Variants in STPG2 observed in about 807,000 individuals in gnomAD.
STPG2 encodes the protein sperm-tail PG-rich repeat-containing protein 2.
STPG2 carries 56 observed loss-of-function variants against 54.2 expected under a neutral mutation model. That is an observed-to-expected ratio of 1.03 (90% CI 0.83 to 1.29). The LOEUF is 1.29. Among genes scored for constraint, STPG2 ranks in the 50% most tolerant of loss-of-function variants. STPG2 has a pLI of 0.00. For synonymous variants in STPG2, 200 were observed against 181.8 expected, an observed-to-expected ratio of 1.10 and a Z score of -0.81; for missense variants, 596 against 544.9, an observed-to-expected ratio of 1.09 and a Z score of -0.93.
At chr4:97,969,252 T>C (rs1560615257) in intron 7 of STPG2, among the ~76,000 whole-genome samples, 1 of 152,192 alleles carries the variant, frequency 6.6e-6, no homozygotes, top group Non-Finnish European at 1.5e-5. Flanking sequence ...AAAGACAGTG[T>C]TTCTGTTTTA....
At chr4:98,012,263 T>C (rs903052621) in intron 5 of STPG2, among the ~76,000 whole-genome samples, 1 of 152,182 alleles carries the variant, frequency 6.6e-6, no homozygotes, top group Non-Finnish European at 1.5e-5. Context: ...TGGTTGTAGA[T>C]GTGTGGTGTG....
At chr4:97,763,469 AT>A (rs1286753230) in intron 9 of STPG2, among the ~76,000 whole-genome samples, 1 of 152,212 alleles carries the variant, frequency 6.6e-6, no homozygotes, top group Non-Finnish European at 1.5e-5. Flanking sequence ...TGTTTCTAGT[AT>A]TTAGTTTACT....
intron 5 of STPG2, among the ~76,000 whole-genome samples, chr4:98,001,445 CT>C (rs994107942): frequency 2.0e-5 from 3 of 151,488 alleles, no homozygotes; most frequent in African/African-American, 7.3e-5. Context: ...CACAGAGTTC[CT>C]TAATGTCAGT....
At chr4:98,058,963 A>G (rs2110096839) in intron 5 of STPG2, among the ~76,000 whole-genome samples, 1 of 141,124 alleles carries the variant, frequency 7.1e-6, no homozygotes, top group South Asian at 2.3e-4. Flanking sequence ...CAAATCAACC[A>G]CAAAGCTAGC....
intron 4 of STPG2, among the ~76,000 whole-genome samples, chr4:97,545,106 G>A (rs1731806462): frequency 1.3e-5 from 2 of 152,092 alleles, no homozygotes; most frequent in Admixed American, 1.3e-4. Flanking sequence ...CCCAAGTGAT[G>A]CTGATTATTC....
chr4:98,014,231 A>T (rs1735852686), intron 5 of STPG2, among the ~76,000 whole-genome samples: 1 of 152,104 alleles, frequency 6.6e-6, no homozygotes, highest in South Asian at 2.1e-4. Context: ...TTATTTACCC[A>T]TGAGTCATTC....
chr4:97,638,364 A>AAACCATAG (rs1204286226), intron 10 of STPG2, among the ~76,000 whole-genome samples: 1 of 152,170 alleles, frequency 6.6e-6, no homozygotes, highest in African/African-American at 2.4e-5. Flanking sequence ...TAAAGACTTA[A>AAACCATAG]ACATTAGACC....
chr4:97,582,800 A>T (rs1312476313), intron 10 of STPG2, among the ~76,000 whole-genome samples: 2 of 152,046 alleles, frequency 1.3e-5, no homozygotes, highest in Non-Finnish European at 2.9e-5. Context: ...TAACTGACTC[A>T]CTAGCAAGCT....
chr4:97,485,150 A>G (rs1298830678), intron 4 of STPG2, among the ~76,000 whole-genome samples: 1 of 151,890 alleles, frequency 6.6e-6, no homozygotes. Context: ...CTGGAACAAG[A>G]GAAGGATGTC....
rs547423447 is a variant in STPG2 at position 97,562,131 on chromosome 4, T to C, written c.1321-3014A>G. ...TTTTATTTCATTGAGCAGTGGTTTG[T>C]AGTTCTCCTTGAAGAGGTCCTTCAC... On this transcript the variant is annotated intron_variant, in intron 10 of 10. Transcript: ENST00000295268. Among the ~76,000 whole-genome samples, 13 of 152,288 alleles carry C rather than the reference T, an allele frequency of 8.5e-5. No individual in the cohort carries two copies. The South Asian group carries it at 2.1e-3, about 24-fold the overall frequency.
At chr4:97,849,385 A>G (rs1729076601) in intron 8 of STPG2, among the ~76,000 whole-genome samples, 1 of 152,036 alleles carries the variant, frequency 6.6e-6, no homozygotes, top group East Asian at 1.9e-4. Flanking sequence ...CCAAAACACC[A>G]AAAGCAATGG....
chr4:97,936,969 T>A (rs1034661397), intron 8 of STPG2, among the ~76,000 whole-genome samples: 2 of 152,188 alleles, frequency 1.3e-5, no homozygotes, highest in African/African-American at 2.4e-5. Flanking sequence ...TCCTGAACTG[T>A]GTTTTTCAAC....
At chr4:97,683,326 T>G (rs1253789374) in intron 10 of STPG2, among the ~76,000 whole-genome samples, 4 of 151,780 alleles carry the variant, frequency 2.6e-5, no homozygotes, top group Non-Finnish European at 5.9e-5. Context: ...AAGTGACATT[T>G]CCAGAGAATC....
chr4:97,474,967 CAAGTT>C (rs1268523517), intron 4 of STPG2, among the ~76,000 whole-genome samples: 1 of 151,964 alleles, frequency 6.6e-6, no homozygotes, highest in Non-Finnish European at 1.5e-5. Flanking sequence ...TGGTTCTCTA[CAAGTT>C]AATTCATACA....
At chr4:97,811,205 A>C (rs1727730149) in intron 9 of STPG2, among the ~76,000 whole-genome samples, 1 of 152,184 alleles carries the variant, frequency 6.6e-6, no homozygotes, top group Admixed American at 6.6e-5. Flanking sequence ...CTTAAAAAAA[A>C]AAAAATCCGT....
intron 7 of STPG2, among the ~76,000 whole-genome samples, chr4:97,954,691 A>C (rs1733600371): frequency 6.6e-6 from 1 of 152,366 alleles, no homozygotes; most frequent in Non-Finnish European, 1.5e-5. Context: ...AGCACAGTTC[A>C]TAATTGGGTT....
intron 4 of STPG2, among the ~76,000 whole-genome samples, chr4:97,458,756 G>A (rs1259896760): frequency 6.6e-6 from 1 of 152,120 alleles, no homozygotes; most frequent in Non-Finnish European, 1.5e-5. Flanking sequence ...ATACAGACAT[G>A]TTAGGACAGA....
intron 5 of STPG2, among the ~76,000 whole-genome samples, chr4:98,073,034 G>GA (rs1214000719): frequency 2.0e-5 from 3 of 152,160 alleles, no homozygotes; most frequent in Admixed American, 6.5e-5. Context: ...TAAAATGCCT[G>GA]AAAAACGTGG....
In STPG2 at chr4:97,747,771, AAGTT is replaced by A. The variant is rs1266613620; in HGVS notation, c.1205-34961_1205-34958del. Reference sequence around the variant, plus strand: ...TACTGAAATAGGAATATAAATTTAAAAGTTAGGGCAGATACTCTTGATTTCTTGT... The same window carrying A: ...TACTGAAATAGGAATATAAATTTAAAAGGGCAGATACTCTTGATTTCTTGT... On this transcript the variant is annotated intron_variant, in intron 9 of 10. Transcript: ENST00000295268. Among the ~76,000 whole-genome samples, 4 of 151,508 alleles carry A rather than the reference AAGTT, an allele frequency of 2.6e-5. 1 individual carries two copies. The East Asian group carries it at 5.8e-4, about 22-fold the overall frequency.
Sources: gnomAD v4.1 joint callset for allele counts (sites outside exome capture counted in the v4.1 genomes callset) on GRCh38, gnomAD v4.1.1 for gene constraint, MANE v1.5 for transcripts, NCBI Gene and HGNC (gene_info 2026-07-23, HGNC 2026-07-21) for gene names.